IFT46: variants seen among roughly 807,000 people sequenced by gnomAD.
IFT46 encodes intraflagellar transport protein 46 homolog.
A neutral mutation model predicts 39.6 loss-of-function variants in IFT46; 19 were observed. That is an observed-to-expected ratio of 0.48 (90% CI 0.33 to 0.70). The LOEUF (loss-of-function observed/expected upper bound fraction) is 0.70. IFT46 is among the 30% of genes least tolerant of loss of function. The pLI, the probability that IFT46 is intolerant of heterozygous loss-of-function variation, is 0.01. For missense variants in IFT46, 334 were observed against 364.8 expected (o/e 0.92, Z 0.69); for synonymous variants, 117 against 134.8 (o/e 0.87, Z 0.91).
rs1555068555 is a variant in IFT46, at chr11:118,551,844, G to A, written c.614C>T (p.Pro205Leu). The A allele has an allele frequency of 1.9e-6, 3 of 1,613,936 alleles. No individual in the cohort carries two copies. Among genetic ancestry groups the A allele is most frequent in the East Asian group, 2.2e-5 (1 of 44,872 alleles). Residue 205 changes from proline to leucine, a missense_variant, in exon 9 of 12, where the codon CCC becomes CTC. Physicochemically the swap from Pro to Leu is moderately conservative, Grantham distance 98. Coordinates refer to ENST00000264021, the MANE Select transcript of IFT46 (RefSeq NM_001168618.2). ...PATVHYTRPM[P>L]DIDTLMQEWS... ...TTCCTGCATCAGCGTGTCAATGTCGGGCATGGGCCTAAAAGTATAAAGGTA... is the reference window on the plus strand; with the variant it reads ...TTCCTGCATCAGCGTGTCAATGTCGAGCATGGGCCTAAAAGTATAAAGGTA...
At position 118,554,408 on chromosome 11, in the gene IFT46, C is replaced by G. The variant is rs782609654; in HGVS notation, c.483+51G>C. ...ACTGTATGAGTGCCAGCAAGGCCTC[C>G]TCCACTCTTGGCCCTCTCCAGCTGG... On this transcript the variant is annotated intron_variant, in intron 7 of 11. Transcript: ENST00000264021. 3 of 1,526,620 alleles carry G rather than the reference C, an allele frequency of 2.0e-6. No homozygotes were observed. In the African/African-American group the frequency reaches 4.2e-5, roughly 21 times the overall value. The allele number at this position is 1,526,620 out of a possible 1,614,324, so 94.6% of individuals were successfully genotyped here.
At chr11:118,545,236 C>T (rs1555066775) in intron 11 of IFT46, among the ~76,000 whole-genome samples, 173 bp downstream of exon 11, 1 of 152,070 alleles carries the variant, frequency 6.6e-6, no homozygotes, top group Non-Finnish European at 1.5e-5. Context: ...CTCCACTTTC[C>T]CCTTGAAAAC....
chr11:118,576,571 T>C (rs1411089232), upstream of IFT46, among the ~76,000 whole-genome samples: 2 of 152,100 alleles, frequency 1.3e-5, no homozygotes, highest in African/African-American at 4.8e-5. Context: ...GTTAAACCAG[T>C]AAACATTAAT....
chr11:118,575,292 G>T (rs952550572), upstream of IFT46, among the ~76,000 whole-genome samples: 4 of 152,050 alleles, frequency 2.6e-5, no homozygotes, highest in African/African-American at 9.7e-5. Context: ...TATTATTTAT[G>T]TATCTTTTTA....
rs1555069594 is a variant in IFT46 at position 118,556,891 on chromosome 11, G to T, written c.185+15C>A. On this transcript the variant is annotated intron_variant, in intron 4 of 11. Transcript: ENST00000264021. ...ATTCTGAAGAGCACCCTTGGCTTGG[G>T]TGTTCTTTCCTCACCCTTCCAGAGG... 6.4e-7 allele frequency: 1 copy of T among 1,566,396 alleles called. No individual in the cohort carries two copies. Among genetic ancestry groups the T allele is most frequent in the Non-Finnish European group, 8.7e-7 (1 of 1,155,436 alleles).
chr11:118,565,589 C>T (rs1157246928), intron 1 of IFT46: 3 of 152,248 alleles, frequency 2.0e-5, no homozygotes, highest in African/African-American at 7.2e-5. Context: ...ATCATCACCT[C>T]CACTTTCACC....
At chr11:118,551,538 G>C (rs1303360393) in intron 9 of IFT46, among the ~76,000 whole-genome samples, 1 of 151,688 alleles carries the variant, frequency 6.6e-6, no homozygotes, top group Non-Finnish European at 1.5e-5. Context: ...GCTGAGTGTG[G>C]TGGTGCATGC....
intron 10 of IFT46, 134 bp from the exon 11 acceptor site, chr11:118,545,628 G>A (rs1431345176): frequency 1.9e-6 from 2 of 1,062,262 alleles, no homozygotes; most frequent in Non-Finnish European, 2.9e-6. Flanking sequence ...CCAGCAGGTA[G>A]TCACATAAGC....
At chr11:118,575,721 G>A (rs925263421), upstream of IFT46, among the ~76,000 whole-genome samples, 5 of 152,266 alleles carry the variant, frequency 3.3e-5, no homozygotes, top group Non-Finnish European at 5.9e-5. Context: ...TATAATTCTG[G>A]AAGTAAGGGA....
chr11:118,552,280 T>C lies in IFT46; in HGVS notation c.539A>G (p.Asp180Gly). Residue 180 changes from aspartate to glycine, a missense_variant, in exon 8 of 12, where the codon GAC (aspartate) becomes GGC (glycine). Asp to Gly is a moderately conservative substitution (Grantham distance 94, BLOSUM62 -1). Transcript: ENST00000264021. ...TTCAGAGATGCTCTCAATCCACGTGTCAATGGCTTTGGGATTCTTTTCTGC... is the reference window on the plus strand; with the variant it reads ...TTCAGAGATGCTCTCAATCCACGTGCCAATGGCTTTGGGATTCTTTTCTGC... Reference protein sequence around the residue: ...EDAEKNPKAIDTWIESISELH... With the variant: ...EDAEKNPKAIGTWIESISELH... The C allele has an allele frequency of 3.1e-6, 5 of 1,614,234 alleles. No homozygotes were observed. Among genetic ancestry groups the C allele is most frequent in the Non-Finnish European group, 4.2e-6 (5 of 1,180,032 alleles).
upstream of IFT46, chr11:118,573,828 G>A (rs1938417390): frequency 2.1e-6 from 1 of 477,014 alleles, no homozygotes; most frequent in African/African-American, 2.0e-5. Context: ...AAATTTTTGT[G>A]TTGGACACAA....
intron 2 of IFT46, among the ~76,000 whole-genome samples, chr11:118,564,063 G>A (rs1244979668): frequency 6.6e-6 from 1 of 151,534 alleles, no homozygotes; most frequent in Non-Finnish European, 1.5e-5. Flanking sequence ...TTAGCTGGGT[G>A]TGGTAATCCC....
chr11:118,551,914 A>G, intron 8 of IFT46, 62 bp from the exon 9 acceptor site: 2 of 1,460,700 alleles, frequency 1.4e-6, no homozygotes, highest in Non-Finnish European at 1.9e-6. Context: ...CAACCTCTGG[A>G]TCAGCATATT....
chr11:118,566,070 T>C (rs1322963844), upstream of IFT46: 2 of 152,184 alleles, frequency 1.3e-5, no homozygotes, highest in African/African-American at 4.8e-5. Flanking sequence ...AGTCGCCTGT[T>C]TGTCTATGGT....
At chr11:118,572,317 G>T (rs1343908862) in intron 1 of IFT46, 12 of 510,058 alleles carry the variant, frequency 2.4e-5, no homozygotes, top group Non-Finnish European at 3.9e-5. Context: ...CCGGAGCGGG[G>T]TACCCTCAAT....
intron 2 of IFT46, chr11:118,561,396 A>G (rs1555070558): frequency 1.2e-6 from 1 of 830,328 alleles, no homozygotes; most frequent in African/African-American, 1.7e-5. Context: ...GACATGATGG[A>G]AGAGATGTAT....
At chr11:118,572,453 A>C in intron 1 of IFT46, 2 of 1,308,636 alleles carry the variant, frequency 1.5e-6, no homozygotes, top group Non-Finnish European at 2.1e-6. Flanking sequence ...TCAAGGGGGC[A>C]GCAGGTCCAG....
chr11:118,547,744 CT>C (rs1233612951), intron 9 of IFT46, among the ~76,000 whole-genome samples: 3,105 of 91,188 alleles, frequency 0.034, 103 homozygotes, highest in African/African-American at 0.1. Flanking sequence ...CTTTTCTTTT[CT>C]TTTTTTTTTT....
At chr11:118,567,299 G>A (rs1462044390), upstream of IFT46, among the ~76,000 whole-genome samples, 6 of 151,144 alleles carry the variant, frequency 4.0e-5, no homozygotes, top group Non-Finnish European at 7.4e-5. Context: ...TTTTTTGGTC[G>A]GGCACGGTGG....
Sources: allele counts gnomAD v4.1 joint callset (sites outside exome capture counted in the v4.1 genomes callset), GRCh38; gene constraint gnomAD v4.1.1; transcripts MANE v1.5; gene names NCBI Gene and HGNC (gene_info 2026-07-23, HGNC 2026-07-21).